The following RBFOX1 variants were observed in gnomAD, a reference collection of about 807,000 sequenced individuals.
RBFOX1 encodes the protein RNA binding fox-1 homolog 1, also known as RNA binding protein fox-1 homolog 1.
RBFOX1 carries 8 observed loss-of-function variants against 57.7 expected under a neutral mutation model. The observed-to-expected ratio is 0.14, with a 90% CI of 0.08 to 0.25. The LOEUF (loss-of-function observed/expected upper bound fraction) is 0.25, where lower values mean the gene tolerates loss of function less well. Among genes scored for constraint, RBFOX1 ranks in the 10% least tolerant of loss-of-function variants. The pLI, the probability that RBFOX1 is intolerant of heterozygous loss-of-function variation, is 1.00. For missense variants in RBFOX1, 611 were observed against 548.5 expected (o/e 1.11, Z -1.14); for synonymous variants, 326 against 222.4 (o/e 1.47, Z -4.15).
At chr16:6,694,271 G>C (rs1167584935) in intron 3 of RBFOX1, among the ~76,000 whole-genome samples, 1 of 152,150 alleles carries the variant, frequency 6.6e-6, no homozygotes, top group Non-Finnish European at 1.5e-5. Flanking sequence ...GAGGAGGTTG[G>C]TGTGTGAGTC....
At chr16:6,681,879 G>A (rs2058703476) in intron 3 of RBFOX1, among the ~76,000 whole-genome samples, 1 of 152,134 alleles carries the variant, frequency 6.6e-6, no homozygotes, top group Admixed American at 6.5e-5. Context: ...TAAATCTTTA[G>A]TCTCTTCTGC....
intron 10 of RBFOX1, among the ~76,000 whole-genome samples, chr16:7,615,324 C>T (rs2058261443): frequency 8.3e-6 from 1 of 120,350 alleles, no homozygotes; most frequent in African/African-American, 4.2e-5. Context: ...TAGAGCAAGA[C>T]TCCATCTCAA....
chr16:6,110,843 T>G (rs2096438443), intron 1 of RBFOX1, among the ~76,000 whole-genome samples: 1 of 152,154 alleles, frequency 6.6e-6, no homozygotes, highest in Non-Finnish European at 1.5e-5. Flanking sequence ...GAGACGGTGC[T>G]AATAATTCTC....
At chr16:6,990,983 G>A (rs1047703156) in intron 3 of RBFOX1, among the ~76,000 whole-genome samples, 1 of 151,980 alleles carries the variant, frequency 6.6e-6, no homozygotes, top group Non-Finnish European at 1.5e-5. Context: ...TCTGTGTCCA[G>A]ATATTCTAAT....
chr16:6,890,983 C>T (rs1323279873), intron 3 of RBFOX1, among the ~76,000 whole-genome samples: 2 of 152,190 alleles, frequency 1.3e-5, no homozygotes, highest in Non-Finnish European at 2.9e-5. Flanking sequence ...TCACCTGGTT[C>T]TTTGTGTCTC....
At chr16:6,518,623 G>A (rs920912763) in intron 2 of RBFOX1, among the ~76,000 whole-genome samples, 1 of 152,132 alleles carries the variant, frequency 6.6e-6, no homozygotes, top group African/African-American at 2.4e-5. Flanking sequence ...AGCTCTTGGG[G>A]CTTCTTGACA....
chr16:7,231,679 C>G (rs1282926188), intron 4 of RBFOX1, among the ~76,000 whole-genome samples: 3 of 152,060 alleles, frequency 2.0e-5, no homozygotes, highest in Non-Finnish European at 4.4e-5. Flanking sequence ...AATGGATGAA[C>G]AAAATGTGGT....
At chr16:7,262,923 G>T (rs1332461481) in intron 4 of RBFOX1, among the ~76,000 whole-genome samples, 1 of 152,194 alleles carries the variant, frequency 6.6e-6, no homozygotes, top group Admixed American at 6.5e-5. Context: ...GAGGCCTGCA[G>T]TTCATTGCCA....
chr16:7,538,243 C>G (rs1427237208), intron 5 of RBFOX1, among the ~76,000 whole-genome samples: 2 of 152,142 alleles, frequency 1.3e-5, no homozygotes, highest in Non-Finnish European at 2.9e-5. Context: ...GGTTTTCTTT[C>G]ATGAGTCCTT....
intron 2 of RBFOX1, among the ~76,000 whole-genome samples, chr16:6,538,670 A>G (rs780855717): frequency 1.3e-5 from 2 of 152,214 alleles, no homozygotes; most frequent in Non-Finnish European, 2.9e-5. Flanking sequence ...CCTGCTGTAG[A>G]AAACGGTTTG....
At chr16:5,255,334 A>ATCCATCCATCCATCCC (rs1567240402) in intron 1 of RBFOX1, among the ~76,000 whole-genome samples, 4 of 137,016 alleles carry the variant, frequency 2.9e-5, no homozygotes, top group Non-Finnish European at 4.9e-5. Flanking sequence ...CCATCCATCC[A>ATCCATCCATCCATCCC]TCCATCCATC....
At chr16:6,657,118 C>T (rs1240739666) in intron 3 of RBFOX1, among the ~76,000 whole-genome samples, 2 of 145,508 alleles carry the variant, frequency 1.4e-5, no homozygotes, top group African/African-American at 5.1e-5. Context: ...CTCCCCTCTC[C>T]TCTCCTCTCC....
chr16:7,181,337 C>G (rs958596574), intron 4 of RBFOX1, among the ~76,000 whole-genome samples: 3 of 152,168 alleles, frequency 2.0e-5, no homozygotes, highest in Non-Finnish European at 4.4e-5. Flanking sequence ...TCTCTGCCCT[C>G]TCCAAACCCC....
At chr16:7,218,566 G>C (rs889515634) in intron 4 of RBFOX1, among the ~76,000 whole-genome samples, 2 of 151,052 alleles carry the variant, frequency 1.3e-5, no homozygotes, top group African/African-American at 4.9e-5. Flanking sequence ...GAGGTAAAAA[G>C]TTTTTTTGAG....
intron 10 of RBFOX1, among the ~76,000 whole-genome samples, chr16:7,609,016 T>C (rs1222881314): frequency 6.6e-6 from 1 of 152,182 alleles, no homozygotes; most frequent in Non-Finnish European, 1.5e-5. Context: ...ACACAGAACA[T>C]GGCATGTATT....
intron 4 of RBFOX1, among the ~76,000 whole-genome samples, chr16:5,980,226 C>G (rs1364058064): frequency 2.6e-5 from 4 of 152,218 alleles, no homozygotes; most frequent in Admixed American, 6.5e-5. Flanking sequence ...CTGTTTGCAT[C>G]TCCCTTGGCT....
chr16:7,641,873 C>T (rs901408989), intron 11 of RBFOX1, among the ~76,000 whole-genome samples: 1 of 152,178 alleles, frequency 6.6e-6, no homozygotes, highest in African/African-American at 2.4e-5. Context: ...GTGCAGCGTC[C>T]TCCAGGCTGC....
Position 5,718,014 on chromosome 16 carries a change from G to A in RBFOX1, c.318+119053G>A, listed in dbSNP as rs575418373. 6.6e-5 allele frequency among the ~76,000 whole-genome samples: 10 copies of A among 152,208 alleles called. No homozygotes were observed. In the East Asian group the frequency reaches 7.7e-4, roughly 12 times the overall value. On this transcript the variant is annotated intron_variant, in intron 3 of 19. Coordinates refer to the RBFOX1 transcript ENST00000641259. Reference sequence around the variant, plus strand: ...ACACTTTCTCATGACCTCATGATGAGCAGAGTGGACTTCTTTGCCTCTTGA... The same window carrying A: ...ACACTTTCTCATGACCTCATGATGAACAGAGTGGACTTCTTTGCCTCTTGA...
At chr16:6,094,583 C>T (rs2096221220) in intron 1 of RBFOX1, among the ~76,000 whole-genome samples, 1 of 152,104 alleles carries the variant, frequency 6.6e-6, no homozygotes, top group African/African-American at 2.4e-5. Context: ...AGTTTTGAAG[C>T]AGGTAGGTCA....
Sources: allele counts gnomAD v4.1 joint callset (sites outside exome capture counted in the v4.1 genomes callset), GRCh38; gene constraint gnomAD v4.1.1; transcripts MANE v1.5; gene names NCBI Gene and HGNC (gene_info 2026-07-23, HGNC 2026-07-21).